Variants in LSAMP observed in about 807,000 individuals in gnomAD.
LSAMP encodes the protein limbic system-associated membrane protein.
In LSAMP, 7 loss-of-function variants were observed where a neutral mutation model predicts 38.6. That is an observed-to-expected ratio of 0.18 (90% CI 0.10 to 0.34). The LOEUF (loss-of-function observed/expected upper bound fraction) is 0.34, where lower values mean the gene tolerates loss of function less well. Among genes scored for constraint, LSAMP ranks in the 10% least tolerant of loss-of-function variants. LSAMP has a pLI of 1.00. For synonymous variants in LSAMP, 154 were observed against 166.8 expected (o/e 0.92, Z 0.59); for missense variants, 313 against 420.0 (o/e 0.75, Z 2.23).
At chr3:115,938,559 C>G (rs890108620) in intron 3 of LSAMP, among the ~76,000 whole-genome samples, 1 of 152,034 alleles carries the variant, frequency 6.6e-6, no homozygotes, top group African/African-American at 2.4e-5. Context: ...TTTAACTAAG[C>G]AAAATACCAA....
chr3:116,355,937 C>A (rs1466978716), intron 1 of LSAMP, among the ~76,000 whole-genome samples: 1 of 151,948 alleles, frequency 6.6e-6, no homozygotes, highest in Non-Finnish European at 1.5e-5. Flanking sequence ...CAAATTCTGG[C>A]AAGGATATGG....
intron 6 of LSAMP, among the ~76,000 whole-genome samples, chr3:115,839,119 A>T (rs1028312915): frequency 5.3e-5 from 8 of 152,272 alleles, no homozygotes; most frequent in African/African-American, 1.9e-4. Context: ...CTCTGCTGAC[A>T]CTTGCACAGT....
chr3:116,173,597 A>G (rs1710260044), intron 1 of LSAMP, among the ~76,000 whole-genome samples: 1 of 152,058 alleles, frequency 6.6e-6, no homozygotes, highest in Non-Finnish European at 1.5e-5. Context: ...ACCTATACAC[A>G]TACTAGGTTT....
At chr3:116,414,532 A>C (rs1195608424) in intron 1 of LSAMP, among the ~76,000 whole-genome samples, 1 of 152,110 alleles carries the variant, frequency 6.6e-6, no homozygotes, top group African/African-American at 2.4e-5. Context: ...AAGCAGACAG[A>C]GCAATCGTCC....
chr3:116,266,647 T>C (rs1035030907), intron 1 of LSAMP, among the ~76,000 whole-genome samples: 8 of 152,132 alleles, frequency 5.3e-5, no homozygotes, highest in Non-Finnish European at 1.0e-4. Context: ...GATTTGAGTA[T>C]ATTAGTTTAG....
chr3:116,052,674 T>C (rs1941417637), intron 2 of LSAMP, among the ~76,000 whole-genome samples: 1 of 152,110 alleles, frequency 6.6e-6, no homozygotes, highest in Non-Finnish European at 1.5e-5. Context: ...ACCTGCTAGC[T>C]ACTAGTTCCC....
At chr3:116,104,288 T>C (rs1412688755) in intron 1 of LSAMP, among the ~76,000 whole-genome samples, 1 of 152,062 alleles carries the variant, frequency 6.6e-6, no homozygotes, top group East Asian at 1.9e-4. Context: ...TGCGAAACAG[T>C]GTAGCCTGTT....
chr3:116,145,566 A>C (rs989724061), intron 1 of LSAMP, among the ~76,000 whole-genome samples: 2 of 151,974 alleles, frequency 1.3e-5, no homozygotes, highest in Admixed American at 6.6e-5. Flanking sequence ...TTTTATTCAA[A>C]GTCTACTGAT....
At chr3:116,273,791 ATATC>A (rs35216627) in intron 1 of LSAMP, among the ~76,000 whole-genome samples, 1 of 141,408 alleles carries the variant, frequency 7.1e-6, no homozygotes, top group Non-Finnish European at 1.5e-5. Context: ...ACAGATATAT[ATATC>A]TTTCTCTTTT....
intron 1 of LSAMP, among the ~76,000 whole-genome samples, chr3:116,418,635 T>A (rs2107851172): frequency 6.6e-6 from 1 of 152,306 alleles, no homozygotes; most frequent in African/African-American, 2.4e-5. Flanking sequence ...TGGGACACAA[T>A]TATATCAATG....
intron 2 of LSAMP, among the ~76,000 whole-genome samples, chr3:116,078,374 G>A (rs1707796243): frequency 6.6e-6 from 1 of 151,136 alleles, no homozygotes; most frequent in Non-Finnish European, 1.5e-5. Flanking sequence ...GCCCAGGCTG[G>A]AGCGCAGTGG....
chr3:116,063,385 G>GATTT (rs1354305117), intron 2 of LSAMP, among the ~76,000 whole-genome samples: 1 of 152,120 alleles, frequency 6.6e-6, no homozygotes, highest in African/African-American at 2.4e-5. Flanking sequence ...GGGAAAAAGA[G>GATTT]ATTTATTCTC....
At chr3:116,261,534 A>G (rs1274662058) in intron 1 of LSAMP, among the ~76,000 whole-genome samples, 3 of 152,242 alleles carry the variant, frequency 2.0e-5, no homozygotes, top group East Asian at 3.9e-4. Context: ...CATCTTTCTC[A>G]TATCTTTGAA....
intron 1 of LSAMP, among the ~76,000 whole-genome samples, chr3:116,383,263 A>G (rs2048585477): frequency 6.6e-6 from 1 of 152,122 alleles, no homozygotes; most frequent in Admixed American, 6.6e-5. Flanking sequence ...TCCCTCTTCT[A>G]AATCTCTATA....
At chr3:116,320,675 C>T (rs754640815) in intron 1 of LSAMP, among the ~76,000 whole-genome samples, 6 of 152,108 alleles carry the variant, frequency 3.9e-5, no homozygotes, top group Non-Finnish European at 7.4e-5. Flanking sequence ...TCTTCTGCTT[C>T]ATTCATTCAC....
chr3:116,293,518 T>C (rs754936190), intron 1 of LSAMP, among the ~76,000 whole-genome samples: 3 of 152,066 alleles, frequency 2.0e-5, no homozygotes, highest in Non-Finnish European at 4.4e-5. Flanking sequence ...AACAAAAAAA[T>C]GGAGGATTGA....
intron 2 of LSAMP, among the ~76,000 whole-genome samples, chr3:116,056,968 C>T (rs1459667200): frequency 6.6e-6 from 1 of 152,062 alleles, no homozygotes. Flanking sequence ...GTGTGCAATA[C>T]AAAGGAATGT....
intron 1 of LSAMP, among the ~76,000 whole-genome samples, chr3:116,115,541 A>G (rs1156753958): frequency 6.6e-6 from 1 of 152,024 alleles, no homozygotes; most frequent in African/African-American, 2.4e-5. Context: ...TCTCTTGTCC[A>G]TTTCTTTTTC....
intron 1 of LSAMP, among the ~76,000 whole-genome samples, chr3:116,328,123 C>G (rs968399413): frequency 3.3e-5 from 5 of 152,138 alleles, no homozygotes; most frequent in African/African-American, 1.2e-4. Context: ...TTTCCCAAAG[C>G]TGGATAGAAG....
Sources: gnomAD v4.1 joint callset for allele counts (sites outside exome capture counted in the v4.1 genomes callset) on GRCh38, gnomAD v4.1.1 for gene constraint, MANE v1.5 for transcripts, NCBI Gene and HGNC (gene_info 2026-07-23, HGNC 2026-07-21) for gene names.